Variants in MYO3A observed in about 807,000 individuals in gnomAD.
MYO3A encodes myosin-IIIa.
Under a neutral mutation model 192.7 loss-of-function variants are expected in MYO3A, and 180 were observed. That is an observed-to-expected ratio of 0.93 (90% CI 0.83 to 1.06). MYO3A has a LOEUF of 1.06. Among genes scored for constraint, MYO3A ranks in the 50% least tolerant of loss-of-function variants. The pLI is 0.00. For synonymous variants in MYO3A, 628 were observed against 645.3 expected (o/e 0.97, Z 0.41); for missense variants, 1,896 against 1,905.0 (o/e 1.00, Z 0.09).
At position 26,024,091 on chromosome 10, in the gene MYO3A, A is replaced by C; in HGVS notation, c.797+4A>C. The C allele has an allele frequency of 6.2e-7, 1 of 1,610,900 alleles. No individual in the cohort carries two copies. The highest frequency in any genetic ancestry group is 1.1e-5 in the South Asian group (1 of 91,020). On this transcript the variant is annotated splice_donor_region_variant and intron_variant, in intron 9 of 34. Transcript: ENST00000642920. ...AATTCAATGACTTCATAAGCAAGTG[A>C]GTAAAAACAGTCTTTTAAAAAACCA...
Position 25,964,004 on chromosome 10 carries a change from A to G in MYO3A, c.303+8996A>G, listed in dbSNP as rs78949195. Among the ~76,000 whole-genome samples the G allele has an allele frequency of 5.9e-5, 9 of 152,290 alleles. No individual in the cohort carries two copies. In the East Asian group the frequency reaches 1.5e-3, roughly 26 times the overall value. ...GACCAGTGATGTCTTGCTATTTAATAAATTAATAGATTTTTATTGTACACA... is the reference window on the plus strand; with the variant it reads ...GACCAGTGATGTCTTGCTATTTAATGAATTAATAGATTTTTATTGTACACA... On this transcript the variant is annotated intron_variant, in intron 4 of 34. Coordinates refer to ENST00000642920, the MANE Select transcript of MYO3A (RefSeq NM_017433.5).
intron 6 of MYO3A, among the ~76,000 whole-genome samples, chr10:26,007,538 A>G (rs1841310475): frequency 6.6e-6 from 1 of 152,180 alleles, no homozygotes; most frequent in African/African-American, 2.4e-5. Flanking sequence ...GCAAAGTCTC[A>G]GGATACAAAA....
chr10:25,983,714 C>G (rs1440244092), intron 4 of MYO3A, among the ~76,000 whole-genome samples: 1 of 152,190 alleles, frequency 6.6e-6, no homozygotes, highest in Non-Finnish European at 1.5e-5. Context: ...CTTCCCCAGC[C>G]TTGCTAGAGA....
At chr10:26,178,179 C>T (rs1209496220) in intron 31 of MYO3A, among the ~76,000 whole-genome samples, 1 of 152,178 alleles carries the variant, frequency 6.6e-6, no homozygotes. Context: ...AGTGGCAGCA[C>T]TGGTGAGTGT....
intron 10 of MYO3A, among the ~76,000 whole-genome samples, chr10:26,034,369 C>T (rs745979447): frequency 3.9e-5 from 6 of 152,208 alleles, no homozygotes; most frequent in Admixed American, 6.5e-5. Flanking sequence ...CTGCCTTGGA[C>T]TGCCAGGATG....
intron 26 of MYO3A, among the ~76,000 whole-genome samples, chr10:26,163,561 G>A (rs916613746): frequency 2.0e-5 from 3 of 152,156 alleles, no homozygotes; most frequent in African/African-American, 7.2e-5. Context: ...GATCCATAGA[G>A]TGAAGAATAG....
At chr10:26,143,750 A>G (rs1840300330) in intron 21 of MYO3A, 149 bp downstream of exon 21, 2 of 922,508 alleles carry the variant, frequency 2.2e-6, no homozygotes, top group African/African-American at 3.3e-5. Flanking sequence ...TTTGGATTTA[A>G]TACCTGGACC....
chr10:26,110,440 A>G (rs1015705798), intron 17 of MYO3A, among the ~76,000 whole-genome samples: 5 of 152,208 alleles, frequency 3.3e-5, no homozygotes, highest in African/African-American at 9.6e-5. Flanking sequence ...AATTTGTTAC[A>G]GTGAGACAGT....
At chr10:26,052,549 C>A (rs1844065104) in intron 10 of MYO3A, among the ~76,000 whole-genome samples, 1 of 152,214 alleles carries the variant, frequency 6.6e-6, no homozygotes, top group Non-Finnish European at 1.5e-5. Context: ...CCAGGGAGAG[C>A]CTGTACTCCC....
chr10:26,055,538 A>C (rs1282735204), intron 10 of MYO3A, among the ~76,000 whole-genome samples: 3 of 152,166 alleles, frequency 2.0e-5, no homozygotes, highest in Non-Finnish European at 1.5e-5. Flanking sequence ...TCAGTCTGAC[A>C]GTTAAAAACT....
At chr10:26,137,029 C>CAAAACA (rs1839892335) in intron 20 of MYO3A, among the ~76,000 whole-genome samples, 1 of 146,824 alleles carries the variant, frequency 6.8e-6, no homozygotes, top group Non-Finnish European at 1.5e-5. Context: ...AAAAACAAAA[C>CAAAACA]AAAAAAAAAA....
intron 26 of MYO3A, among the ~76,000 whole-genome samples, chr10:26,158,086 G>A (rs1385597584): frequency 1.3e-5 from 2 of 152,106 alleles, no homozygotes; most frequent in African/African-American, 2.4e-5. Flanking sequence ...CACTTTACTC[G>A]CCTACCAAAT....
Position 26,021,645 on chromosome 10 carries a change from C to T in MYO3A, c.728C>T (p.Pro243Leu). 1 of 1,614,046 alleles carries T rather than the reference C, an allele frequency of 6.2e-7. No individual in the cohort carries two copies. Among genetic ancestry groups the T allele is most frequent in the Non-Finnish European group, 8.5e-7 (1 of 1,179,948 alleles). ...CCCATGAGAGCACTCTTCAAAATAC[C>T]AAGGTCAGATGACTAACATTGGGTC... The part of the protein sequence containing the change: ...LHPMRALFKI[P>L]RNPPPKLRQP... Residue 243 changes from proline (P) to leucine (L), a missense_variant, in exon 8 of 35, where the codon CCA (proline) becomes CTA (leucine). Physicochemically the swap from Pro to Leu is moderately conservative, Grantham distance 98. Coordinates refer to ENST00000642920, the MANE Select transcript of MYO3A (RefSeq NM_017433.5).
At position 26,034,926 on chromosome 10, in the gene MYO3A, C is replaced by CGTGT. The variant is rs146134022; in HGVS notation, c.953+8410_953+8413dup. 1.1e-4 allele frequency among the ~76,000 whole-genome samples: 16 copies of CGTGT among 147,754 alleles called. No homozygotes were observed. The East Asian group carries it at 1.4e-3, about 13-fold the overall frequency. On this transcript the variant is annotated intron_variant, in intron 10 of 34. Transcript: ENST00000642920. ...GTTTTTGTGTTTTTTTTACATGAAG[C>CGTGT]GTGTGTGTGTGTGTGTGTGCGCACA...
chr10:25,952,288 A>AT lies in MYO3A; in HGVS notation c.168+16dup. ...TCTTGATCCAATTCACGTAAGTCAT[A>AT]TTTTTTCCTTCTAATTAGCTTTATT... On this transcript the variant is annotated intron_variant, in intron 3 of 34. Coordinates refer to ENST00000642920, the MANE Select transcript of MYO3A (RefSeq NM_017433.5). The AT allele has an allele frequency of 1.2e-6, 2 of 1,610,822 alleles. No homozygotes were observed. Among genetic ancestry groups the AT allele is most frequent in the Non-Finnish European group, 1.7e-6 (2 of 1,177,974 alleles).
intron 10 of MYO3A, among the ~76,000 whole-genome samples, chr10:26,045,344 C>A (rs973105165): frequency 6.6e-6 from 1 of 150,568 alleles, no homozygotes; most frequent in African/African-American, 2.4e-5. Context: ...ACTTATTGTA[C>A]CCCTAACTTG....
intron 4 of MYO3A, among the ~76,000 whole-genome samples, chr10:25,980,932 T>C (rs1839294306): frequency 6.6e-6 from 1 of 152,206 alleles, no homozygotes; most frequent in Non-Finnish European, 1.5e-5. Flanking sequence ...TGATGATCTG[T>C]ATCAATCATT....
At chr10:26,205,798 T>C (rs1843904722) in intron 34 of MYO3A, among the ~76,000 whole-genome samples, 1 of 151,718 alleles carries the variant, frequency 6.6e-6, no homozygotes, top group African/African-American at 2.4e-5. Flanking sequence ...TTTTTGTATT[T>C]TTAGTAGAGA....
At chr10:26,147,655 TGA>T in intron 23 of MYO3A, 96 bp downstream of exon 23, 1 of 1,561,290 alleles carries the variant, frequency 6.4e-7, no homozygotes, top group South Asian at 1.1e-5. Flanking sequence ...ATTTTTCATG[TGA>T]GTTTGTTTTC....
Sources: allele counts gnomAD v4.1 joint callset (sites outside exome capture counted in the v4.1 genomes callset), GRCh38; gene constraint gnomAD v4.1.1; transcripts MANE v1.5; gene names NCBI Gene and HGNC (gene_info 2026-07-23, HGNC 2026-07-21).